The following STIM1 variants were observed in gnomAD, a reference collection of about 807,000 sequenced individuals.
The protein encoded by STIM1 is stromal interaction molecule 1.
Under a neutral mutation model 74.7 loss-of-function variants are expected in STIM1, and 25 were observed. The ratio of observed to expected loss-of-function variants is 0.33; its 90% CI spans 0.24 to 0.47. STIM1 has a LOEUF of 0.47. STIM1 is among the 20% of genes least tolerant of loss of function. The probability of loss-of-function intolerance (pLI) is 1.00; values close to 1 mark genes in which losing one functional copy is unlikely to be tolerated. For synonymous variants in STIM1, 328 were observed against 348.8 expected, an observed-to-expected ratio of 0.94 and a Z score of 0.66; for missense variants, 728 against 920.8, an observed-to-expected ratio of 0.79 and a Z score of 2.71.
intron 2 of STIM1, among the ~76,000 whole-genome samples, chr11:4,017,859 C>T (rs1365110447): frequency 1.3e-5 from 2 of 152,224 alleles, no homozygotes; most frequent in South Asian, 2.1e-4. Context: ...CAATACCCAC[C>T]TGAGTGATTT....
chr11:3,999,861 A>T (rs1469219071), intron 2 of STIM1, among the ~76,000 whole-genome samples: 1 of 152,136 alleles, frequency 6.6e-6, no homozygotes, highest in African/African-American at 2.4e-5. Flanking sequence ...GGCACCTGGA[A>T]AATCGGGCCA....
intron 5 of STIM1, among the ~76,000 whole-genome samples, chr11:4,068,122 T>C (rs1165854683): frequency 6.6e-6 from 1 of 152,184 alleles, no homozygotes; most frequent in African/African-American, 2.4e-5. Context: ...GGTGGAACAG[T>C]ATTACCTTAG....
chr11:3,954,346 ATTTG>A (rs1432678240), intron 1 of STIM1, among the ~76,000 whole-genome samples: 8 of 152,202 alleles, frequency 5.3e-5, no homozygotes, highest in African/African-American at 1.9e-4. Context: ...TTTTCTGTGC[ATTTG>A]TTTGTTCGTT....
chr11:4,004,942 C>G (rs2093762237), intron 2 of STIM1, among the ~76,000 whole-genome samples: 1 of 152,180 alleles, frequency 6.6e-6, no homozygotes, highest in Non-Finnish European at 1.5e-5. Flanking sequence ...AGACACTTCT[C>G]AAAAGAAGAC....
chr11:3,910,554 C>T (rs2092544839), intron 1 of STIM1, among the ~76,000 whole-genome samples: 1 of 152,100 alleles, frequency 6.6e-6, no homozygotes, highest in Non-Finnish European at 1.5e-5. Flanking sequence ...ATACGACACC[C>T]TGTCTCTTAA....
intron 1 of STIM1, among the ~76,000 whole-genome samples, chr11:3,866,373 A>T (rs565413449): frequency 6.6e-6 from 1 of 151,650 alleles, no homozygotes; most frequent in Non-Finnish European, 1.5e-5. Context: ...TACTATCTGC[A>T]GTGCTCTCTG....
At position 4,034,097 on chromosome 11, in the gene STIM1, C is replaced by T. The variant is rs188441011; in HGVS notation, c.385+10110C>T. On this transcript the variant is annotated intron_variant, in intron 3 of 12. Transcript: ENST00000526596. ...TACAAAAATTAGCTGGTTGTGGTGG[C>T]GGGCGCCTGTAATCCCAGCTACTTG... Among the ~76,000 whole-genome samples, 295 of 151,644 alleles carry T rather than the reference C, an allele frequency of 1.9e-3. 2 individuals carry two copies. The highest frequency in any genetic ancestry group is 6.6e-3 in the African/African-American group (275 of 41,398).
At chr11:4,005,871 A>G (rs1316029882) in intron 2 of STIM1, among the ~76,000 whole-genome samples, 5 of 152,198 alleles carry the variant, frequency 3.3e-5, no homozygotes, top group African/African-American at 1.2e-4. Context: ...GGAAACAGAT[A>G]TTTCACTCAT....
intron 3 of STIM1, among the ~76,000 whole-genome samples, chr11:4,043,545 G>A (rs960011801): frequency 4.6e-5 from 7 of 152,108 alleles, no homozygotes; most frequent in Admixed American, 4.6e-4. Flanking sequence ...TTGTTCATTC[G>A]AAGAAGATAC....
At chr11:3,953,780 C>CTTTTTTTTTTTTTTTT (rs201952182) in intron 1 of STIM1, among the ~76,000 whole-genome samples, 1 of 131,090 alleles carries the variant, frequency 7.6e-6, no homozygotes. Flanking sequence ...TGATCTTCTT[C>CTTTTTTTTTTTTTTTT]TTTCTTTTTT....
intron 2 of STIM1, among the ~76,000 whole-genome samples, chr11:4,015,455 C>T (rs891491871): frequency 5.3e-5 from 8 of 151,988 alleles, no homozygotes; most frequent in Non-Finnish European, 1.2e-4. Flanking sequence ...AACCCGACCT[C>T]TCTCTCTGGC....
chr11:3,942,987 A>G (rs550593497), intron 1 of STIM1, among the ~76,000 whole-genome samples: 1 of 152,318 alleles, frequency 6.6e-6, no homozygotes, highest in African/African-American at 2.4e-5. Flanking sequence ...CCTGGAACAG[A>G]CACCCCAGAA....
At chr11:4,077,234 A>G (rs2133199872) in intron 7 of STIM1, among the ~76,000 whole-genome samples, 1 of 151,958 alleles carries the variant, frequency 6.6e-6, no homozygotes, top group South Asian at 2.1e-4. Context: ...GCTATATATT[A>G]ATATAAATGT....
At chr11:3,902,110 T>A (rs1430992607) in intron 1 of STIM1, among the ~76,000 whole-genome samples, 2 of 152,226 alleles carry the variant, frequency 1.3e-5, no homozygotes, top group Non-Finnish European at 2.9e-5. Flanking sequence ...GTAATGGAGA[T>A]GTAGTGATGG....
chr11:4,088,627 G>A (rs2094506483), intron 12 of STIM1: 4 of 1,381,662 alleles, frequency 2.9e-6, no homozygotes, highest in Non-Finnish European at 4.0e-6. Flanking sequence ...GAGGGCAGTG[G>A]GGAGGAAGGG....
chr11:3,887,430 T>G lies in STIM1; in HGVS notation c.139+31021T>G, dbSNP rs540707772. On this transcript the variant is annotated intron_variant, in intron 1 of 12. Transcript: ENST00000526596. Reference sequence around the variant, plus strand: ...TTGTGAGAGGTGAACCTGGAAACAATGGACTGTAATGGCATGGGTCAAGGT... The same window carrying G: ...TTGTGAGAGGTGAACCTGGAAACAAGGGACTGTAATGGCATGGGTCAAGGT... 2.6e-5 allele frequency among the ~76,000 whole-genome samples: 4 copies of G among 152,270 alleles called. No homozygotes were observed. The South Asian group carries it at 8.3e-4, about 32-fold the overall frequency.
intron 3 of STIM1, among the ~76,000 whole-genome samples, chr11:4,026,745 G>A (rs1263602426): frequency 6.6e-6 from 1 of 152,172 alleles, no homozygotes; most frequent in Non-Finnish European, 1.5e-5. Flanking sequence ...GAAATTTATA[G>A]GGCAAGATAT....
At chr11:4,056,115 C>G (rs760289244) in intron 4 of STIM1, among the ~76,000 whole-genome samples, 5 of 152,136 alleles carry the variant, frequency 3.3e-5, no homozygotes, top group Non-Finnish European at 7.4e-5. Flanking sequence ...TGAGCAGCTG[C>G]CTCTTTTATC....
chr11:3,876,368 G>C lies in STIM1; in HGVS notation c.139+19959G>C, dbSNP rs80143101. On this transcript the variant is annotated intron_variant, in intron 1 of 12. Coordinates refer to ENST00000526596, the MANE Select transcript of STIM1 (RefSeq NM_001382567.1). ...GTTGAATGCTGTTTGGGTAGCAGCTGAGAGGAATTCCTGTGAGTTGAGGGA... is the reference window on the plus strand; with the variant it reads ...GTTGAATGCTGTTTGGGTAGCAGCTCAGAGGAATTCCTGTGAGTTGAGGGA... Among the ~76,000 whole-genome samples, 1,066 of 152,284 alleles carry C rather than the reference G, an allele frequency of 7.0e-3. 6 individuals carry two copies. Among genetic ancestry groups the C allele is most frequent in the African/African-American group, 0.024 (1,004 of 41,556 alleles).
Sources: gnomAD v4.1 joint callset for allele counts (sites outside exome capture counted in the v4.1 genomes callset) on GRCh38, gnomAD v4.1.1 for gene constraint, MANE v1.5 for transcripts, NCBI Gene and HGNC (gene_info 2026-07-23, HGNC 2026-07-21) for gene names.